Variants in ARHGAP44 observed in about 807,000 individuals in gnomAD.
ARHGAP44 encodes Rho GTPase activating protein 44.
Under a neutral mutation model 106.8 loss-of-function variants are expected in ARHGAP44, and 43 were observed. That is an observed-to-expected ratio of 0.40 (90% CI 0.32 to 0.52). ARHGAP44 has a LOEUF of 0.52. ARHGAP44 is among the 20% of genes least tolerant of loss of function. ARHGAP44 has a pLI of 0.48. For missense variants in ARHGAP44, 866 were observed against 1,050.5 expected, an observed-to-expected ratio of 0.82 and a Z score of 2.43; for synonymous variants, 439 against 410.3, an observed-to-expected ratio of 1.07 and a Z score of -0.85.
intron 1 of ARHGAP44, among the ~76,000 whole-genome samples, chr17:12,858,446 A>C (rs1241170895): frequency 6.6e-6 from 1 of 152,246 alleles, no homozygotes; most frequent in Admixed American, 6.5e-5. Context: ...ATCTGTAAGC[A>C]TGAGGTCAGA....
chr17:12,844,652 C>T (rs1203085037), intron 1 of ARHGAP44, among the ~76,000 whole-genome samples: 1 of 152,144 alleles, frequency 6.6e-6, no homozygotes, highest in African/African-American at 2.4e-5. Flanking sequence ...GTTTTAGCTC[C>T]CCTTCATGGT....
intron 1 of ARHGAP44, among the ~76,000 whole-genome samples, chr17:12,858,823 G>GT (rs1201216936): frequency 3.9e-5 from 6 of 152,198 alleles, no homozygotes; most frequent in African/African-American, 1.4e-4. Flanking sequence ...TGGACTCACA[G>GT]TTCCACATGG....
Position 12,810,341 on chromosome 17 carries a change from A to C in ARHGAP44, c.53+20450A>C, listed in dbSNP as rs1411685140. ...AAGAATCTAGGGGAGAATCTCTTCC[A>C]TGCTGGTTTAGGATAAGGAATATCT... On this transcript the variant is annotated intron_variant, in intron 1 of 20. Transcript: ENST00000379672. 2.0e-5 allele frequency among the ~76,000 whole-genome samples: 3 copies of C among 152,242 alleles called. No individual in the cohort carries two copies. The East Asian group carries it at 5.8e-4, about 29-fold the overall frequency.
intron 4 of ARHGAP44, among the ~76,000 whole-genome samples, chr17:12,913,529 T>C (rs1370873296): frequency 6.6e-6 from 1 of 152,186 alleles, no homozygotes; most frequent in Non-Finnish European, 1.5e-5. Flanking sequence ...ATAGCTAAAT[T>C]CTCATTTTCT....
At chr17:12,858,000 C>T (rs1004997945) in intron 1 of ARHGAP44, among the ~76,000 whole-genome samples, 8 of 152,132 alleles carry the variant, frequency 5.3e-5, no homozygotes, top group African/African-American at 1.9e-4. Flanking sequence ...ATCCCCTTAC[C>T]ACTGATACTC....
At chr17:12,823,372 CT>C (rs947369591) in intron 1 of ARHGAP44, among the ~76,000 whole-genome samples, 1 of 152,098 alleles carries the variant, frequency 6.6e-6, no homozygotes, top group African/African-American at 2.4e-5. Context: ...TATTTCTTTC[CT>C]TTTTTACTTT....
intron 1 of ARHGAP44, among the ~76,000 whole-genome samples, chr17:12,848,674 T>C (rs995750543): frequency 3.3e-5 from 5 of 152,192 alleles, no homozygotes; most frequent in African/African-American, 1.2e-4. Flanking sequence ...TTTACTAGAC[T>C]CAGCTCCTTG....
chr17:12,945,497 A>T (rs565659473), intron 10 of ARHGAP44, among the ~76,000 whole-genome samples: 52 of 152,276 alleles, frequency 3.4e-4, no homozygotes, highest in African/African-American at 1.1e-3. Context: ...TGAAATAGTG[A>T]GATAGGAGAC....
At chr17:12,943,749 C>A in intron 9 of ARHGAP44, 80 bp downstream of exon 9, 1 of 1,424,116 alleles carries the variant, frequency 7.0e-7, no homozygotes, top group Non-Finnish European at 9.9e-7. Context: ...CCTTGTATGT[C>A]GTTGGCCCTA....
intron 3 of ARHGAP44, among the ~76,000 whole-genome samples, chr17:12,902,650 C>T (rs1039524970): frequency 5.9e-5 from 9 of 152,166 alleles, no homozygotes; most frequent in Non-Finnish European, 1.3e-4. Context: ...CTAGCATGCC[C>T]TTCCTTTTCT....
At position 12,958,616 on chromosome 17, in the gene ARHGAP44, A is replaced by T. The variant is rs140642503; in HGVS notation, c.1343-101A>T. ...AACCATGGGATGAAATTTTCTAGGGATGACATACGAGGGAGTGGGTGTCTG... is the reference window on the plus strand; with the variant it reads ...AACCATGGGATGAAATTTTCTAGGGTTGACATACGAGGGAGTGGGTGTCTG... On this transcript the variant is annotated intron_variant, in intron 15 of 20. Transcript: ENST00000379672. This position sits in a 1 kb window ranked among gnomAD's most constrained non-coding sequence, Gnocchi z 4.1. The T allele has an allele frequency of 8.8e-7, 1 of 1,134,520 alleles. No homozygotes were observed. Among genetic ancestry groups the T allele is most frequent in the African/African-American group, 1.5e-5 (1 of 64,556 alleles). The allele number at this position is 1,134,520 out of a possible 1,614,324, so 70.3% of individuals were successfully genotyped here. A position where few individuals can be genotyped will look rare whatever the true frequency, so the allele number is the denominator to read the frequency against.
chr17:12,807,730 A>G (rs942784047), intron 1 of ARHGAP44, among the ~76,000 whole-genome samples: 1 of 152,146 alleles, frequency 6.6e-6, no homozygotes, highest in African/African-American at 2.4e-5. Context: ...CAGCCAAGCC[A>G]TATTATTCCA....
intron 3 of ARHGAP44, among the ~76,000 whole-genome samples, chr17:12,902,221 C>G (rs143432845): frequency 6.6e-5 from 10 of 152,230 alleles, no homozygotes; most frequent in African/African-American, 2.4e-4. Context: ...TGTCATCATT[C>G]TTCAGCTGTG....
intron 16 of ARHGAP44, among the ~76,000 whole-genome samples, chr17:12,960,363 C>T (rs555572878): frequency 6.6e-5 from 10 of 152,050 alleles, no homozygotes; most frequent in South Asian, 4.2e-4. Context: ...GTCAGGTGTT[C>T]GAGACCAGCC....
chr17:12,978,056 A>AAAAAAAAAGG (rs71144940), intron 18 of ARHGAP44, among the ~76,000 whole-genome samples: 1 of 149,108 alleles, frequency 6.7e-6, no homozygotes. Flanking sequence ...AAAAAAAAAA[A>AAAAAAAAAGG]GTGTGTTTCG....
intron 17 of ARHGAP44, 104 bp downstream of exon 17, chr17:12,973,423 T>C: frequency 8.1e-7 from 1 of 1,238,616 alleles, no homozygotes. Context: ...CCGCGTCTGG[T>C]TGCTTGGCCG....
At chr17:12,824,819 C>T (rs1475291396) in intron 1 of ARHGAP44, among the ~76,000 whole-genome samples, 1 of 151,646 alleles carries the variant, frequency 6.6e-6, no homozygotes, top group Non-Finnish European at 1.5e-5. Context: ...CTACCTTCTG[C>T]TTGTGTTGTT....
intron 1 of ARHGAP44, among the ~76,000 whole-genome samples, chr17:12,868,953 CAT>C (rs138760379): frequency 6.6e-6 from 1 of 151,306 alleles, no homozygotes; most frequent in Non-Finnish European, 1.5e-5. Context: ...CCGCGCCCAA[CAT>C]ATATATATAT....
intron 1 of ARHGAP44, chr17:12,790,109 G>T: frequency 4.0e-6 from 2 of 502,990 alleles, no homozygotes; most frequent in Non-Finnish European, 6.9e-6. Context: ...TCCGGGCTCC[G>T]GTTGCCAAGC....
Sources: gnomAD v4.1 joint callset for allele counts (sites outside exome capture counted in the v4.1 genomes callset) on GRCh38, gnomAD v4.1.1 for gene constraint, Gnocchi (gnomAD v3.1) non-coding constraint, MANE v1.5 for transcripts, NCBI Gene and HGNC (gene_info 2026-07-23, HGNC 2026-07-21) for gene names.